Variants in SERPINI1 observed in about 807,000 individuals in gnomAD.
SERPINI1 encodes the protein neuroserpin.
In SERPINI1, 19 loss-of-function variants were observed where a neutral mutation model predicts 41.1. The ratio of observed to expected loss-of-function variants is 0.46; its 90% CI spans 0.32 to 0.68. The LOEUF (loss-of-function observed/expected upper bound fraction) is 0.68. SERPINI1 is among the 30% of genes least tolerant of loss of function. SERPINI1 has a pLI of 0.03. For synonymous variants in SERPINI1, 138 were observed against 156.6 expected, an observed-to-expected ratio of 0.88 and a Z score of 0.89; for missense variants, 460 against 479.2, an observed-to-expected ratio of 0.96 and a Z score of 0.37.
At chr3:167,783,759 A>T (rs1484200931) in intron 1 of SERPINI1, among the ~76,000 whole-genome samples, 1 of 152,252 alleles carries the variant, frequency 6.6e-6, no homozygotes, top group Non-Finnish European at 1.5e-5. Flanking sequence ...GCAACCAGCA[A>T]CCAGCAGCAG....
intron 6 of SERPINI1, among the ~76,000 whole-genome samples, chr3:167,820,090 TG>T (rs371250986): frequency 1.5e-3 from 227 of 152,310 alleles, no homozygotes; most frequent in African/African-American, 5.3e-3. Context: ...CTCTAGAGGC[TG>T]TAAGTCTGAA....
chr3:167,783,272 G>A (rs1727201172), intron 1 of SERPINI1, among the ~76,000 whole-genome samples: 5 of 152,136 alleles, frequency 3.3e-5, no homozygotes. Context: ...CATGGAATGA[G>A]TGTTTGACAA....
At chr3:167,780,719 T>C (rs1412509560) in intron 1 of SERPINI1, among the ~76,000 whole-genome samples, 1 of 152,232 alleles carries the variant, frequency 6.6e-6, no homozygotes, top group Non-Finnish European at 1.5e-5. Flanking sequence ...ATTTACATCC[T>C]GTGGTGCTCT....
chr3:167,813,562 C>T (rs894319399), intron 6 of SERPINI1, among the ~76,000 whole-genome samples: 3 of 152,132 alleles, frequency 2.0e-5, no homozygotes, highest in African/African-American at 4.8e-5. Context: ...TGTTTAAGAG[C>T]AAGTTGAAAG....
intron 6 of SERPINI1, among the ~76,000 whole-genome samples, chr3:167,822,041 C>G (rs1430704117): frequency 6.6e-6 from 1 of 152,196 alleles, no homozygotes; most frequent in Non-Finnish European, 1.5e-5. Flanking sequence ...CTACCAATGT[C>G]AATCTCGTCT....
At chr3:167,808,300 T>A in intron 6 of SERPINI1, among the ~76,000 whole-genome samples, 1 of 141,036 alleles carries the variant, frequency 7.1e-6, no homozygotes, top group African/African-American at 2.8e-5. Flanking sequence ...AAAAAAAAAA[T>A]CACAAAATAT....
At chr3:167,820,754 C>T (rs1712294830) in intron 6 of SERPINI1, among the ~76,000 whole-genome samples, 1 of 152,140 alleles carries the variant, frequency 6.6e-6, no homozygotes, top group Non-Finnish European at 1.5e-5. Context: ...CAGACAGGCT[C>T]CTGGGTGGAA....
At position 167,814,728 on chromosome 3, in the gene SERPINI1, G is replaced by T. The variant is rs566538400; in HGVS notation, c.979+7387G>T. ...ATATTTACTAAGTGACTGAATGAAT[G>T]CCTTTGTAGTCTTGCCCTGCTTTTT... On this transcript the variant is annotated intron_variant, in intron 6 of 8. Coordinates refer to ENST00000446050, the MANE Select transcript of SERPINI1 (RefSeq NM_001122752.2). 1.7e-4 allele frequency among the ~76,000 whole-genome samples: 26 copies of T among 152,314 alleles called. 1 individual carries two copies. The South Asian group carries it at 2.3e-3, about 13-fold the overall frequency.
intron 1 of SERPINI1, among the ~76,000 whole-genome samples, chr3:167,783,229 G>A (rs1727199901): frequency 1.3e-5 from 2 of 152,152 alleles, no homozygotes; most frequent in Admixed American, 1.3e-4. Context: ...GAATGGCCAT[G>A]GGATGATCAA....
intron 1 of SERPINI1, among the ~76,000 whole-genome samples, chr3:167,767,047 A>G (rs1560000348): frequency 6.6e-6 from 1 of 152,366 alleles, no homozygotes; most frequent in East Asian, 1.9e-4. Flanking sequence ...ATACTGTAAG[A>G]CAGTGCCATC....
intron 7 of SERPINI1, among the ~76,000 whole-genome samples, chr3:167,824,254 G>A (rs541248634): frequency 6.6e-6 from 1 of 152,110 alleles, no homozygotes; most frequent in Non-Finnish European, 1.5e-5. Context: ...TGTTTGTTTT[G>A]TTTGTGGTGT....
At chr3:167,799,768 C>G (rs1002648284) in intron 5 of SERPINI1, among the ~76,000 whole-genome samples, 1 of 152,066 alleles carries the variant, frequency 6.6e-6, no homozygotes, top group Admixed American at 6.6e-5. Context: ...TCTTATTGTG[C>G]TTTTGATTTG....
intron 1 of SERPINI1, among the ~76,000 whole-genome samples, chr3:167,778,965 A>G (rs1727038847): frequency 6.6e-6 from 1 of 152,226 alleles, no homozygotes; most frequent in Admixed American, 6.5e-5. Flanking sequence ...TCCTGCTACG[A>G]TAATCTTTGC....
intron 1 of SERPINI1, among the ~76,000 whole-genome samples, chr3:167,745,627 A>G (rs560106677): frequency 3.3e-5 from 5 of 152,180 alleles, no homozygotes; most frequent in African/African-American, 1.2e-4. Context: ...ATAAATTTCT[A>G]TTCACATATG....
chr3:167,783,358 A>T (rs182808648), intron 1 of SERPINI1, among the ~76,000 whole-genome samples: 1 of 152,306 alleles, frequency 6.6e-6, no homozygotes, highest in East Asian at 1.9e-4. Context: ...AGTAGGTTTG[A>T]TTGATAAGAT....
chr3:167,777,160 C>T (rs367623647), intron 1 of SERPINI1, among the ~76,000 whole-genome samples: 105 of 152,258 alleles, frequency 6.9e-4, no homozygotes, highest in Middle Eastern at 3.4e-3. Flanking sequence ...CATCCACTGA[C>T]ATCCACTCTG....
intron 8 of SERPINI1, 131 bp from the exon 9 acceptor site, chr3:167,825,116 G>A: frequency 2.7e-6 from 2 of 728,668 alleles, no homozygotes; most frequent in Non-Finnish European, 5.0e-6. Flanking sequence ...AGGAAGGAAG[G>A]ACAGGAGGAA....
chr3:167,758,664 G>A (rs1171862890), intron 1 of SERPINI1, among the ~76,000 whole-genome samples: 1 of 152,072 alleles, frequency 6.6e-6, no homozygotes, highest in East Asian at 1.9e-4. Flanking sequence ...AGGACATGTG[G>A]CAACTCAATG....
chr3:167,792,859 C>A, intron 4 of SERPINI1, 75 bp downstream of exon 4: 1 of 1,240,950 alleles, frequency 8.1e-7, no homozygotes, highest in South Asian at 1.2e-5. Context: ...ATGAAGCATT[C>A]ATATTCAAAC....
Sources: gnomAD v4.1 joint callset for allele counts (sites outside exome capture counted in the v4.1 genomes callset) on GRCh38, gnomAD v4.1.1 for gene constraint, MANE v1.5 for transcripts, NCBI Gene and HGNC (gene_info 2026-07-23, HGNC 2026-07-21) for gene names.